The following MROH2B variants were observed in gnomAD, a reference collection of about 807,000 sequenced individuals.
MROH2B encodes maestro heat-like repeat-containing protein family member 2B.
MROH2B carries 177 observed loss-of-function variants against 208.6 expected under a neutral mutation model. The ratio of observed to expected loss-of-function variants is 0.85; its 90% CI spans 0.75 to 0.96. The LOEUF is 0.96. Ranked by LOEUF, MROH2B falls within the 40% of genes least tolerant of loss-of-function variation. MROH2B has a pLI of 0.00. For missense variants in MROH2B, 2,002 were observed against 1,878.7 expected (o/e 1.07, Z -1.21); for synonymous variants, 728 against 659.0 (o/e 1.10, Z -1.60).
At chr5:41,026,029 A>G (rs1376670224) in intron 24 of MROH2B, among the ~76,000 whole-genome samples, 1 of 152,196 alleles carries the variant, frequency 6.6e-6, no homozygotes, top group Non-Finnish European at 1.5e-5. Context: ...TATTGATGGG[A>G]TGTATCTCAA....
intron 24 of MROH2B, among the ~76,000 whole-genome samples, chr5:41,024,749 G>A (rs556867652): frequency 1.8e-4 from 27 of 152,178 alleles, no homozygotes; most frequent in Admixed American, 6.6e-4. Context: ...TAAGCACCAC[G>A]TCACACTTAT....
Position 41,007,537 on chromosome 5 carries a change from A to G in MROH2B, c.3609-83T>C, listed in dbSNP as rs1381618206. 2.4e-6 allele frequency: 3 copies of G among 1,266,312 alleles called. No homozygotes were observed. In the African/African-American group the frequency reaches 4.6e-5, roughly 20 times the overall value. The allele number at this position is 1,266,312 out of a possible 1,614,324, so 78.4% of individuals were successfully genotyped here. ...TCCCAAGTTTGCCTTTCCACTCCTC[A>G]CAATGCTTTCCCACCCCTGGACTAG... On this transcript the variant is annotated intron_variant, in intron 33 of 41. Transcript: ENST00000399564.
intron 28 of MROH2B, 89 bp downstream of exon 28, chr5:41,017,761 G>C: frequency 7.1e-7 from 1 of 1,400,904 alleles, no homozygotes; most frequent in African/African-American, 1.5e-5. Context: ...GGAGGAGGGA[G>C]AGAGACATAG....
At chr5:41,051,112 T>G in intron 12 of MROH2B, 22 bp from the exon 13 acceptor site, 10 of 1,482,648 alleles carry the variant, frequency 6.7e-6, no homozygotes, top group Non-Finnish European at 8.1e-6. Context: ...ATCAAACAGG[T>G]GACTTGTTAA....
chr5:41,005,118 G>A, intron 35 of MROH2B, 198 bp from the exon 36 acceptor site: 1 of 652,004 alleles, frequency 1.5e-6, no homozygotes, highest in Admixed American at 3.3e-5. Flanking sequence ...AGCTTGCATG[G>A]TGATGTAAAC....
chr5:40,998,927 G>A (rs1741298305), intron 40 of MROH2B, among the ~76,000 whole-genome samples: 1 of 152,160 alleles, frequency 6.6e-6, no homozygotes, highest in Admixed American at 6.5e-5. Flanking sequence ...TTCTAAGGAG[G>A]CTAGTTGTTG....
At chr5:41,056,588 G>A (rs1003569445) in intron 9 of MROH2B, among the ~76,000 whole-genome samples, 1 of 151,694 alleles carries the variant, frequency 6.6e-6, no homozygotes, top group South Asian at 2.1e-4. Flanking sequence ...GGTGCCCCCC[G>A]TGCATCCCAT....
At chr5:41,061,874 G>T (rs1743653385) in intron 5 of MROH2B, 150 bp from the exon 6 acceptor site, 7 of 810,174 alleles carry the variant, frequency 8.6e-6, no homozygotes, top group Admixed American at 3.6e-5. Flanking sequence ...TATAGAAAGT[G>T]CTCAGCCACA....
Position 40,998,140 on chromosome 5 carries a change from T to G in MROH2B, c.4670A>C (p.Gln1557Pro). Residue 1557 changes from glutamine (Q) to proline (P), a missense_variant, in exon 42 of 42, where the codon CAA becomes CCA. Physicochemically the swap from Gln to Pro is moderately conservative, Grantham distance 76 (BLOSUM62 -1). Coordinates refer to ENST00000399564, the MANE Select transcript of MROH2B (RefSeq NM_173489.5). ...QLTTRLQALRQDPCISVQRAA... is the reference protein window; with the variant it reads ...QLTTRLQALRPDPCISVQRAA... Reference sequence around the variant, plus strand: ...TCTCTGGACACTAATACACGGATCTTGACGAAGTGCTTGGAGTCCTGAAAT... The same window carrying G: ...TCTCTGGACACTAATACACGGATCTGGACGAAGTGCTTGGAGTCCTGAAAT... 1 of 1,611,700 alleles carries G rather than the reference T, an allele frequency of 6.2e-7. No homozygotes were observed.
chr5:41,033,704 G>A (rs886102395), intron 22 of MROH2B, 134 bp downstream of exon 22: 28 of 700,934 alleles, frequency 4.0e-5, no homozygotes, highest in Non-Finnish European at 6.3e-5. Context: ...TTCAGAATTG[G>A]ATTGTTACAT....
At chr5:41,020,961 A>C (rs982499755) in intron 24 of MROH2B, among the ~76,000 whole-genome samples, 1 of 152,204 alleles carries the variant, frequency 6.6e-6, no homozygotes, top group Non-Finnish European at 1.5e-5. Context: ...TAGGCAAGGA[A>C]AAATTAAAAA....
intron 20 of MROH2B, among the ~76,000 whole-genome samples, 175 bp from the exon 21 acceptor site, chr5:41,039,063 G>C (rs368391764): frequency 6.6e-6 from 1 of 152,114 alleles, no homozygotes; most frequent in African/African-American, 2.4e-5. Flanking sequence ...AGCCAGGATG[G>C]TCCTGTGGGA....
At chr5:41,047,700 T>A in intron 17 of MROH2B, 21 bp downstream of exon 17, 1 of 1,583,482 alleles carries the variant, frequency 6.3e-7, no homozygotes, top group Non-Finnish European at 8.6e-7. Flanking sequence ...TATTAAAAAT[T>A]ATTCTAGAAG....
At chr5:41,002,301 T>C (rs1741422305) in intron 37 of MROH2B, among the ~76,000 whole-genome samples, 1 of 152,080 alleles carries the variant, frequency 6.6e-6, no homozygotes, top group Non-Finnish European at 1.5e-5. Flanking sequence ...TTAGAGAACG[T>C]CTAGTCCAAT....
At chr5:40,999,600 T>C in intron 40 of MROH2B, 77 bp downstream of exon 40, 1 of 1,260,188 alleles carries the variant, frequency 7.9e-7, no homozygotes, top group African/African-American at 1.5e-5. Flanking sequence ...GTGTTCATAC[T>C]GGACAGCTTC....
In MROH2B at chr5:41,049,413, A is replaced by C. The variant is rs781244951; in HGVS notation, c.1368T>G (p.Thr456=). 3 of 1,612,932 alleles carry C rather than the reference A, an allele frequency of 1.9e-6. No individual in the cohort carries two copies. The highest frequency in any genetic ancestry group is 2.5e-6 in the Non-Finnish European group (3 of 1,179,548). Residue 456 remains threonine, a synonymous_variant, in exon 14 of 42, where the codon ACT becomes ACG. Transcript: ENST00000399564. The part of the protein sequence containing the change: ...MPQVLWPRIL[T]FVVPAEYTEA... ...CTGTGTATTCTGCAGGTACCACAAAAGTCAGGATCCTTGGCCATAGCACCT... is the reference window on the plus strand; with the variant it reads ...CTGTGTATTCTGCAGGTACCACAAACGTCAGGATCCTTGGCCATAGCACCT...
At chr5:41,038,697 C>T in intron 21 of MROH2B, 39 bp downstream of exon 21, 2 of 1,561,718 alleles carry the variant, frequency 1.3e-6, no homozygotes, top group Non-Finnish European at 1.7e-6. Flanking sequence ...TTTAGGAACC[C>T]CAGCCTAGAA....
chr5:40,999,871 G>A (rs1453926002), intron 39 of MROH2B, 92 bp from the exon 40 acceptor site: 2 of 1,119,734 alleles, frequency 1.8e-6, no homozygotes, highest in African/African-American at 3.1e-5. Flanking sequence ...GATTTGTAAA[G>A]GCCAGTGAGC....
intron 3 of MROH2B, among the ~76,000 whole-genome samples, chr5:41,066,865 G>A (rs181930346): frequency 6.6e-6 from 1 of 152,200 alleles, no homozygotes; most frequent in East Asian, 1.9e-4. Context: ...ATCTCTAATG[G>A]TGAACTTCCT....
Sources: allele counts gnomAD v4.1 joint callset (sites outside exome capture counted in the v4.1 genomes callset), GRCh38; gene constraint gnomAD v4.1.1; transcripts MANE v1.5; gene names NCBI Gene and HGNC (gene_info 2026-07-23, HGNC 2026-07-21).